The following ALG12 variants were observed in gnomAD, a reference collection of about 807,000 sequenced individuals.
ALG12 encodes dol-P-Man:Man(7)GlcNAc(2)-PP-Dol alpha-1,6-mannosyltransferase.
A neutral mutation model predicts 46.0 loss-of-function variants in ALG12; 36 were observed. That is an observed-to-expected ratio of 0.78 (90% CI 0.60 to 1.03). The LOEUF is 1.03. Ranked by LOEUF, ALG12 falls within the 50% of genes least tolerant of loss-of-function variation. The probability of loss-of-function intolerance (pLI) is 0.00; values close to 1 mark genes in which losing one functional copy is unlikely to be tolerated. For synonymous variants in ALG12, 326 were observed against 291.6 expected (o/e 1.12, Z -1.20); for missense variants, 599 against 633.5 (o/e 0.95, Z 0.58).
At chr22:49,911,459 G>C (rs1014223742) in intron 3 of ALG12, among the ~76,000 whole-genome samples, 3 of 151,800 alleles carry the variant, frequency 2.0e-5, no homozygotes, top group Non-Finnish European at 4.4e-5. Context: ...TTTAAGGACA[G>C]AGTTTCCCTC....
intron 5 of ALG12, 68 bp from the exon 6 acceptor site, chr22:49,909,415 GCCCC>G: frequency 6.8e-7 from 1 of 1,462,124 alleles, no homozygotes; most frequent in Non-Finnish European, 9.5e-7. Context: ...CCACAATGCA[GCCCC>G]CATCACTACA....
At chr22:49,916,864 G>C (rs571190146) in intron 1 of ALG12, among the ~76,000 whole-genome samples, 1 of 152,360 alleles carries the variant, frequency 6.6e-6, no homozygotes, top group African/African-American at 2.4e-5. Context: ...AGTGCTGCTT[G>C]GCAGTCCCCC....
At chr22:49,918,041 G>A (rs1308427521) in intron 1 of ALG12, 1 of 93,020 alleles carries the variant, frequency 1.1e-5, no homozygotes, top group Non-Finnish European at 2.2e-5. Context: ...CGGGTGAGAG[G>A]TCTGGCCCCC....
chr22:49,908,256 G>A (rs548811544), intron 6 of ALG12, among the ~76,000 whole-genome samples: 10 of 152,268 alleles, frequency 6.6e-5, no homozygotes, highest in Non-Finnish European at 1.2e-4. Flanking sequence ...TCGGCCGGGC[G>A]CAGTGGCTCA....
downstream of ALG12, among the ~76,000 whole-genome samples, chr22:49,897,043 T>C (rs960464945): frequency 3.9e-5 from 6 of 152,206 alleles, no homozygotes; most frequent in African/African-American, 1.4e-4. Context: ...CCGGTCTTTT[T>C]TGTCTCCATA....
At chr22:49,884,438 C>T in the ALG12 span, 22 of 1,614,086 alleles carry the variant, frequency 1.4e-5, no homozygotes, top group Non-Finnish European at 1.7e-5. Context: ...CCCCACCTCC[C>T]TGCTCTCCAT....
At chr22:49,913,111 AG>A (rs2146613600) in intron 3 of ALG12, among the ~76,000 whole-genome samples, 1 of 152,324 alleles carries the variant, frequency 6.6e-6, no homozygotes, top group East Asian at 1.9e-4. Flanking sequence ...CAGCAGGCTC[AG>A]GTGGCGAGAG....
chr22:49,908,693 T>C (rs2060558139), intron 6 of ALG12, among the ~76,000 whole-genome samples: 1 of 146,800 alleles, frequency 6.8e-6, no homozygotes, highest in African/African-American at 2.6e-5. Flanking sequence ...GGCTCACACC[T>C]GTAATCCCAG....
downstream of ALG12, among the ~76,000 whole-genome samples, chr22:49,897,954 C>T (rs543311700): frequency 6.0e-5 from 9 of 150,228 alleles, no homozygotes; most frequent in East Asian, 6.0e-4. Context: ...CCACCACGTC[C>T]GGCCTCAATC....
rs1273719413 is a variant in ALG12, at chr22:49,903,261, A to C, written c.*577T>G. On this transcript the variant is annotated 3_prime_UTR_variant, in exon 10 of 10. Transcript: ENST00000330817. ...TTTATTGCCTTATTCTTTTTATCTC[A>C]TTCCTTTTTGAATGTGTTTATCTCC... The C allele has an allele frequency of 2.5e-5, 11 of 446,022 alleles. No homozygotes were observed. Among genetic ancestry groups the C allele is most frequent in the South Asian group, 1.8e-4 (11 of 62,430 alleles). 27.6% of individuals were successfully genotyped at this position (446,022 alleles called of 1,614,324 possible).
Position 49,903,618 on chromosome 22 carries a change from G to A in ALG12, c.*220C>T. ...CATCACCCTGGGCAGTGGCTCCCGGGGTGCCAACAAGACCTGGGCCCCTCG... is the reference window on the plus strand; with the variant it reads ...CATCACCCTGGGCAGTGGCTCCCGGAGTGCCAACAAGACCTGGGCCCCTCG... On this transcript the variant is annotated 3_prime_UTR_variant, in exon 10 of 10. Transcript: ENST00000330817. 1.4e-6 allele frequency: 1 copy of A among 701,366 alleles called. No homozygotes were observed. Among genetic ancestry groups the A allele is most frequent in the Non-Finnish European group, 2.6e-6 (1 of 387,160 alleles). 43.4% of individuals were successfully genotyped at this position (701,366 alleles called of 1,614,324 possible). A position where few individuals can be genotyped will look rare whatever the true frequency, so the allele number is the denominator to read the frequency against.
At chr22:49,862,103 GA>G in the ALG12 span, among the ~76,000 whole-genome samples, 5 of 152,180 alleles carry the variant, frequency 3.3e-5, no homozygotes, top group African/African-American at 1.2e-4. Flanking sequence ...TGTGAAAAAT[GA>G]AAAAACTGTG....
chr22:49,907,947 G>A lies in ALG12; in HGVS notation c.769-3C>T, dbSNP rs1601821667. 5 of 1,611,678 alleles carry A rather than the reference G, an allele frequency of 3.1e-6. No homozygotes were observed. Among genetic ancestry groups the A allele is most frequent in the Non-Finnish European group, 4.2e-6 (5 of 1,179,806 alleles). On this transcript the variant is annotated splice_region_variant and splice_polypyrimidine_tract_variant and intron_variant, in intron 6 of 9. Transcript: ENST00000330817. ...AAGTACCACAGCAGCGGGGAGGTCT[G>A]CGGGCTGGGTTAAGGAGGCCACGCA...
chr22:49,884,491 CTTCCAAAGA>C, the ALG12 span: 1 of 1,614,242 alleles, frequency 6.2e-7, no homozygotes, highest in Non-Finnish European at 8.5e-7. Context: ...GAGCCTTCCA[CTTCCAAAGA>C]GCACCTCTGG....
At chr22:49,867,933 C>T in the ALG12 span, among the ~76,000 whole-genome samples, 1 of 152,206 alleles carries the variant, frequency 6.6e-6, no homozygotes, top group African/African-American at 2.4e-5. Context: ...CCTGTTTTGT[C>T]ATAAAGTGTT....
At chr22:49,886,068 G>A in the ALG12 span, 3 of 682,212 alleles carry the variant, frequency 4.4e-6, no homozygotes, top group African/African-American at 5.4e-5. The surrounding 1 kb of genome is among the most constrained non-coding windows in gnomAD (Gnocchi z 7.7). Flanking sequence ...CCGGCCTTCA[G>A]GTGGGCATCA....
the ALG12 span, chr22:49,884,643 C>T: frequency 1.2e-6 from 2 of 1,612,532 alleles, no homozygotes; most frequent in African/African-American, 1.3e-5. Flanking sequence ...CGAGCTGCCT[C>T]ATCAGGCACA....
At position 49,910,555 on chromosome 22, in the gene ALG12, C is replaced by T; in HGVS notation, c.348G>A (p.Lys116=). ...GVIFGLWTLQ[K]EVRRHFGAMV... ...TGGCCCCGAAGTGCCGTCTCACTTC[C>T]TTTTGTAACGTCCAGAGTCCAAAAA... is the stretch of plus-strand genomic sequence containing the variant. Residue 116 remains lysine, a synonymous_variant, in exon 4 of 10, where the codon AAG becomes AAA. Transcript: ENST00000330817. 1 of 1,614,170 alleles carries T rather than the reference C, an allele frequency of 6.2e-7. No homozygotes were observed. The highest frequency in any genetic ancestry group is 1.1e-5 in the South Asian group (1 of 91,092).
the ALG12 span, among the ~76,000 whole-genome samples, chr22:49,864,839 A>AG: frequency 6.8e-5 from 9 of 133,112 alleles, 1 homozygote; most frequent in African/African-American, 2.9e-4. Flanking sequence ...AAAAAAAAAA[A>AG]GCCCTGATTA....
Sources: allele counts gnomAD v4.1 joint callset (sites outside exome capture counted in the v4.1 genomes callset), GRCh38; gene constraint gnomAD v4.1.1; non-coding constraint Gnocchi (gnomAD v3.1); transcripts MANE v1.5; gene names NCBI Gene and HGNC (gene_info 2026-07-23, HGNC 2026-07-21).